Variants in JPT2 observed in about 807,000 individuals in gnomAD.
JPT2 encodes the protein Jupiter microtubule associated homolog 2.
In JPT2, 9 loss-of-function variants were observed where a neutral mutation model predicts 15.9. The ratio of observed to expected loss-of-function variants is 0.57; its 90% CI spans 0.34 to 0.99. The LOEUF (loss-of-function observed/expected upper bound fraction) is 0.99, where lower values mean the gene tolerates loss of function less well. Ranked by LOEUF, JPT2 falls within the 50% of genes least tolerant of loss-of-function variation. JPT2 has a pLI of 0.02. For synonymous variants in JPT2, 95 were observed against 91.7 expected (o/e 1.04, Z -0.21); for missense variants, 267 against 252.1 (o/e 1.06, Z -0.40).
chr16:1,688,593 G>C (rs899737416), intron 2 of JPT2: 2 of 152,198 alleles, frequency 1.3e-5, no homozygotes, highest in African/African-American at 4.8e-5. Flanking sequence ...AATCTTGTAG[G>C]CCAGGTGCGG....
At chr16:1,679,485 C>CGT (rs1175694614) in intron 1 of JPT2, among the ~76,000 whole-genome samples, 6 of 152,048 alleles carry the variant, frequency 3.9e-5, no homozygotes, top group Admixed American at 3.3e-4. Context: ...CACGTGAGGT[C>CGT]AAGAGTTCGA....
At chr16:1,683,686 T>A in intron 1 of JPT2, 12 of 857,002 alleles carry the variant, frequency 1.4e-5, no homozygotes, top group Non-Finnish European at 2.0e-5. Context: ...TCCTGCTTTA[T>A]AGCAGGAGAT....
chr16:1,684,370 T>TA (rs2037047835), intron 1 of JPT2, among the ~76,000 whole-genome samples: 1 of 152,200 alleles, frequency 6.6e-6, no homozygotes, highest in African/African-American at 2.4e-5. Flanking sequence ...CACCGGTTTT[T>TA]AATGTAGATA....
chr16:1,692,142 TC>T (rs1330345293), intron 3 of JPT2, 157 bp downstream of exon 3: 11 of 929,844 alleles, frequency 1.2e-5, no homozygotes, highest in Non-Finnish European at 1.7e-5. Flanking sequence ...GTTTGGAAGT[TC>T]CCCTGAGTCA....
At chr16:1,678,708 G>A (rs536532148) in intron 1 of JPT2, among the ~76,000 whole-genome samples, 1 of 152,236 alleles carries the variant, frequency 6.6e-6, no homozygotes, top group Admixed American at 6.5e-5. Flanking sequence ...GGGTTTCCTG[G>A]GGGCGGGGTG....
At chr16:1,680,564 G>T in intron 1 of JPT2, 1 of 1,104,190 alleles carries the variant, frequency 9.1e-7, no homozygotes, top group Non-Finnish European at 1.1e-6. Flanking sequence ...TCTGAACGGG[G>T]TCGAGTCGCA....
At chr16:1,692,067 C>A in intron 3 of JPT2, 82 bp downstream of exon 3, 1 of 1,538,340 alleles carries the variant, frequency 6.5e-7, no homozygotes, top group Non-Finnish European at 8.9e-7. Flanking sequence ...GCAGATGCGA[C>A]ATGTTTTTAG....
intron 1 of JPT2, among the ~76,000 whole-genome samples, chr16:1,681,305 G>T (rs2235488): frequency 0.11 from 16,889 of 152,236 alleles, 1,200 homozygotes; most frequent in African/African-American, 0.2. Context: ...GGGACCTGTT[G>T]CCTTTGTGAC....
chr16:1,699,098 G>GT lies in JPT2; in HGVS notation c.*102dup. On this transcript the variant is annotated 3_prime_UTR_variant, in exon 5 of 5. Coordinates refer to ENST00000248098, the MANE Select transcript of JPT2 (RefSeq NM_144570.3). ...CCCAAATGAGCGGGGTGGGAAGAGG[G>GT]TTAGTCTTATGTGAGCCTGGCTGCT... 7.8e-7 allele frequency: 1 copy of GT among 1,284,922 alleles called. No individual in the cohort carries two copies. The highest frequency in any genetic ancestry group is 1.1e-6 in the Non-Finnish European group (1 of 896,780). The allele number at this position is 1,284,922 out of a possible 1,614,324, so 79.6% of individuals were successfully genotyped here.
Position 1,699,260 on chromosome 16 carries a change from G to T in JPT2, c.*262G>T, listed in dbSNP as rs753787716. 3 of 617,284 alleles carry T rather than the reference G, an allele frequency of 4.9e-6. No individual in the cohort carries two copies. The highest frequency in any genetic ancestry group is 3.4e-5 in the East Asian group (1 of 29,756). 38.2% of individuals were successfully genotyped at this position (617,284 alleles called of 1,614,324 possible). ...GTCCAGGTTTGAGAGGAACTGGAAG[G>T]GGGGTGAGGGTGGGGAGGTGGGGCA... On this transcript the variant is annotated 3_prime_UTR_variant, in exon 5 of 5. Coordinates refer to ENST00000248098, the MANE Select transcript of JPT2 (RefSeq NM_144570.3).
At chr16:1,696,393 C>T (rs1284759877) in intron 3 of JPT2, among the ~76,000 whole-genome samples, 2 of 151,698 alleles carry the variant, frequency 1.3e-5, no homozygotes, top group African/African-American at 2.4e-5. Flanking sequence ...AGTAGCTGGG[C>T]GCCTGTACTC....
intron 1 of JPT2, among the ~76,000 whole-genome samples, chr16:1,679,222 G>A (rs912416727): frequency 1.3e-5 from 2 of 152,224 alleles, no homozygotes; most frequent in Admixed American, 6.5e-5. Context: ...GAGGTTTTCT[G>A]TATGATGAGC....
At position 1,700,070 on chromosome 16, in the gene JPT2, C is replaced by T. The variant is rs767319894; in HGVS notation, c.*1072C>T. ...ACTCTGGTCTGTTTCTGACACCTTT[C>T]CAGAAAAAAGTCAATTGTTCAGGTA... is the stretch of plus-strand genomic sequence containing the variant. On this transcript the variant is annotated 3_prime_UTR_variant, in exon 5 of 5. Transcript: ENST00000248098. 2.3e-6 allele frequency: 1 copy of T among 441,646 alleles called. No homozygotes were observed. Among genetic ancestry groups the T allele is most frequent in the Middle Eastern group, 3.3e-4 (1 of 3,022 alleles). 27.4% of individuals were successfully genotyped at this position (441,646 alleles called of 1,614,324 possible).
rs1330025346 is a variant in JPT2 at position 1,691,957 on chromosome 16, C to T, written c.308C>T (p.Ser103Leu). The T allele has an allele frequency of 6.2e-7, 1 of 1,614,220 alleles. No individual in the cohort carries two copies. Among genetic ancestry groups the T allele is most frequent in the South Asian group, 1.1e-5 (1 of 91,090 alleles). ...DIFGSPVTAT[S>L]RLAHPNKPKD... is the part of the protein sequence containing the mutation. ...TTTGGGTCTCCGGTCACTGCCACTT[C>T]ACGCTTGGCACACCCAAACAAACCC... The change falls in exon 3 of 5, where the codon TCA becomes TTA. Residue 103 changes from serine to leucine, a missense_variant. Transcript: ENST00000248098.
chr16:1,678,498 G>T lies in JPT2; in HGVS notation c.44+142G>T, dbSNP rs1183015024. On this transcript the variant is annotated intron_variant, in intron 1 of 4. Coordinates refer to ENST00000248098, the MANE Select transcript of JPT2 (RefSeq NM_144570.3). ...CCTCACAGAGGCCCTCGGGGCCGCCGCCCGCCTTTCTGCGCCGCCGCCAGA... is the reference window on the plus strand; with the variant it reads ...CCTCACAGAGGCCCTCGGGGCCGCCTCCCGCCTTTCTGCGCCGCCGCCAGA... The T allele has an allele frequency of 9.2e-6, 8 of 871,040 alleles. No homozygotes were observed. The East Asian group carries it at 1.7e-4, about 19-fold the overall frequency. The allele number at this position is 871,040 out of a possible 1,614,324, so 54.0% of individuals were successfully genotyped here. A position where few individuals can be genotyped will look rare whatever the true frequency, so the allele number is the denominator to read the frequency against.
chr16:1,687,972 T>C (rs1340794357), intron 2 of JPT2, among the ~76,000 whole-genome samples: 1 of 152,200 alleles, frequency 6.6e-6, no homozygotes, highest in Non-Finnish European at 1.5e-5. Flanking sequence ...AGCCATCGAA[T>C]GTTTATCAAT....
At position 1,691,890 on chromosome 16, in the gene JPT2, C is replaced by G; in HGVS notation, c.241C>G (p.Arg81Gly). 1 of 1,614,084 alleles carries G rather than the reference C, an allele frequency of 6.2e-7. No homozygotes were observed. Among genetic ancestry groups the G allele is most frequent in the Non-Finnish European group, 8.5e-7 (1 of 1,180,024 alleles). Residue 81 changes from arginine to glycine, a missense_variant, in exon 3 of 5, where the codon CGA becomes GGA. Arg to Gly is a moderately radical substitution (Grantham distance 125). Coordinates refer to ENST00000248098, the MANE Select transcript of JPT2 (RefSeq NM_144570.3). Reference sequence around the variant, plus strand: ...TGACGAATCAACCCCCGTGCAGACTCGACAGCACCTGAACCCACCTGGAGG... The same window carrying G: ...TGACGAATCAACCCCCGTGCAGACTGGACAGCACCTGAACCCACCTGGAGG... Reference protein sequence around the residue: ...IFDESTPVQTRQHLNPPGGKT... With the variant: ...IFDESTPVQTGQHLNPPGGKT...
Position 1,691,926 on chromosome 16 carries a change from G to T in JPT2, c.277G>T (p.Asp93Tyr), listed in dbSNP as rs145445364. 2 of 1,614,058 alleles carry T rather than the reference G, an allele frequency of 1.2e-6. No individual in the cohort carries two copies. The highest frequency in any genetic ancestry group is 2.7e-5 in the African/African-American group (2 of 74,920). Residue 93 changes from aspartate to tyrosine, a missense_variant, in exon 3 of 5, where the codon GAC becomes TAC. By Grantham distance (160) the Asp-to-Tyr change is radical. Coordinates refer to ENST00000248098, the MANE Select transcript of JPT2 (RefSeq NM_144570.3). ...GAACCCACCTGGAGGGAAGACCAGC[G>T]ACATTTTTGGGTCTCCGGTCACTGC... ...HLNPPGGKTS[D>Y]IFGSPVTATS... is the part of the protein sequence containing the mutation.
intron 2 of JPT2, chr16:1,690,564 G>A (rs1027518062): frequency 3.1e-4 from 47 of 152,014 alleles, no homozygotes; most frequent in African/African-American, 8.5e-4. Context: ...GTAATTTTTC[G>A]AGAACAGAAA....
Sources: allele counts gnomAD v4.1 joint callset (sites outside exome capture counted in the v4.1 genomes callset), GRCh38; gene constraint gnomAD v4.1.1; transcripts MANE v1.5; gene names NCBI Gene and HGNC (gene_info 2026-07-23, HGNC 2026-07-21).